Variants in PRKCH observed in about 807,000 individuals in gnomAD.
PRKCH encodes the protein protein kinase C eta type.
Under a neutral mutation model 82.5 loss-of-function variants are expected in PRKCH, and 28 were observed. The observed-to-expected ratio is 0.34, with a 90% confidence interval of 0.25 to 0.47. The LOEUF (loss-of-function observed/expected upper bound fraction) is 0.47, where lower values mean the gene tolerates loss of function less well. PRKCH is among the 20% of genes least tolerant of loss of function. PRKCH has a pLI of 1.00. For synonymous variants in PRKCH, 322 were observed against 327.4 expected (o/e 0.98, Z 0.18); for missense variants, 705 against 881.8 (o/e 0.80, Z 2.54).
chr14:61,234,577 A>G (rs564424986), intron 1 of PRKCH, among the ~76,000 whole-genome samples: 1 of 152,254 alleles, frequency 6.6e-6, no homozygotes, highest in South Asian at 2.1e-4. Context: ...TAGACAACCA[A>G]TATTTTAATT....
intron 6 of PRKCH, among the ~76,000 whole-genome samples, chr14:61,451,892 C>A (rs1594721215): frequency 1.3e-5 from 2 of 152,200 alleles, no homozygotes; most frequent in South Asian, 4.1e-4. Flanking sequence ...AGGGCACATT[C>A]TTCTATCTCT....
intron 10 of PRKCH, among the ~76,000 whole-genome samples, chr14:61,513,510 A>G (rs1329815102): frequency 6.6e-6 from 1 of 152,154 alleles, no homozygotes; most frequent in African/African-American, 2.4e-5. Context: ...AAGTCAGCCC[A>G]GGAGAGAAAT....
At chr14:61,393,209 C>T (rs1022143095) in intron 2 of PRKCH, among the ~76,000 whole-genome samples, 7 of 152,082 alleles carry the variant, frequency 4.6e-5, no homozygotes, top group Admixed American at 1.3e-4. Context: ...CCTCCAACTC[C>T]GTTCTTTTTT....
intron 1 of PRKCH, among the ~76,000 whole-genome samples, chr14:61,387,220 A>G (rs1284377679): frequency 1.3e-5 from 2 of 152,244 alleles, no homozygotes; most frequent in African/African-American, 4.8e-5. Context: ...GATACCGGGT[A>G]GGGAGTTGTA....
chr14:61,391,202 T>C (rs1414802378), intron 1 of PRKCH, 23 bp from the exon 2 acceptor site: 1 of 1,590,350 alleles, frequency 6.3e-7, no homozygotes, highest in South Asian at 1.1e-5. Context: ...ACATATAATA[T>C]ACATTTTTTT....
At chr14:61,338,603 T>C (rs1240083290) in intron 1 of PRKCH, among the ~76,000 whole-genome samples, 1 of 152,172 alleles carries the variant, frequency 6.6e-6, no homozygotes, top group Non-Finnish European at 1.5e-5. Flanking sequence ...GTCAGGAATG[T>C]ATTAATGACA....
intron 1 of PRKCH, among the ~76,000 whole-genome samples, chr14:61,297,263 G>A (rs2045413402): frequency 6.6e-6 from 1 of 152,162 alleles, no homozygotes; most frequent in African/African-American, 2.4e-5. Context: ...ATTTGCCAAT[G>A]TTACAGTTTA....
rs72712345 is a variant in PRKCH, at chr14:61,488,386, G to A, written c.1433+2730G>A. ...CAGGACCAGCACTTCCCTTGCATTC[G>A]TCTATTGATTCTTCTAACAATATTA... On this transcript the variant is annotated intron_variant, in intron 10 of 13. Transcript: ENST00000332981. Among the ~76,000 whole-genome samples, 1,198 of 152,238 alleles carry A rather than the reference G, an allele frequency of 7.9e-3. 8 individuals are homozygous for A. Among genetic ancestry groups the A allele is most frequent in the Non-Finnish European group, 0.011 (752 of 68,006 alleles).
At chr14:61,426,201 C>T (rs185527706) in intron 2 of PRKCH, among the ~76,000 whole-genome samples, 335 of 152,298 alleles carry the variant, frequency 2.2e-3, no homozygotes, top group Non-Finnish European at 3.9e-3. Context: ...CAAGGTGCAA[C>T]CTGGAACACT....
intron 9 of PRKCH, among the ~76,000 whole-genome samples, chr14:61,479,232 G>A (rs944007012): frequency 5.3e-5 from 8 of 152,096 alleles, no homozygotes; most frequent in Non-Finnish European, 8.8e-5. Flanking sequence ...CGTTTACACT[G>A]CAAAAGCAGT....
intron 9 of PRKCH, among the ~76,000 whole-genome samples, chr14:61,477,806 C>A (rs1182432607): frequency 3.3e-5 from 5 of 152,214 alleles, no homozygotes; most frequent in African/African-American, 1.2e-4. Context: ...ATCCCTGTGT[C>A]CCAACAGCTG....
chr14:61,377,088 C>G (rs1313790587), intron 1 of PRKCH, among the ~76,000 whole-genome samples: 2 of 152,096 alleles, frequency 1.3e-5, no homozygotes, highest in East Asian at 3.9e-4. Context: ...CTGTCATCTC[C>G]CAGGTCATCT....
chr14:61,303,543 TC>T (rs1407812910), intron 1 of PRKCH: 1 of 152,174 alleles, frequency 6.6e-6, no homozygotes, highest in Non-Finnish European at 1.5e-5. Context: ...TGTTTTCCCT[TC>T]CTTTTACTTT....
intron 1 of PRKCH, among the ~76,000 whole-genome samples, chr14:61,349,392 G>T (rs1044915814): frequency 1.3e-5 from 2 of 152,134 alleles, no homozygotes; most frequent in East Asian, 3.8e-4. Context: ...TTACAGATGA[G>T]GAAATCAAGG....
chr14:61,423,713 T>C (rs1452014838), intron 2 of PRKCH, among the ~76,000 whole-genome samples: 6 of 152,106 alleles, frequency 3.9e-5, no homozygotes, highest in Non-Finnish European at 8.8e-5. Context: ...TGGTTCAGGA[T>C]TGGGAGGGCC....
intron 10 of PRKCH, among the ~76,000 whole-genome samples, chr14:61,493,211 A>G (rs1279363137): frequency 6.6e-6 from 1 of 152,184 alleles, no homozygotes; most frequent in East Asian, 1.9e-4. Flanking sequence ...GCTCTCTCAC[A>G]TGAAAAGCCT....
At chr14:61,213,827 A>G (rs1158529319) in intron 1 of PRKCH, among the ~76,000 whole-genome samples, 1 of 152,142 alleles carries the variant, frequency 6.6e-6, no homozygotes, top group African/African-American at 2.4e-5. Flanking sequence ...GAATTGAAAA[A>G]CTGGAGAAAT....
intron 7 of PRKCH, among the ~76,000 whole-genome samples, chr14:61,453,847 G>A (rs1177621169): frequency 6.6e-6 from 1 of 151,648 alleles, no homozygotes; most frequent in African/African-American, 2.4e-5. Flanking sequence ...TTGTAGAGAT[G>A]GAGTCTCACT....
intron 1 of PRKCH, among the ~76,000 whole-genome samples, chr14:61,310,709 ATGGGGACTCTGTG>A (rs1196554247): frequency 2.6e-5 from 4 of 152,212 alleles, no homozygotes; most frequent in Non-Finnish European, 5.9e-5. Flanking sequence ...CAGTGACCCA[ATGGGGACTCTGTG>A]TGGGGGCTCC....
Sources: allele counts gnomAD v4.1 joint callset (sites outside exome capture counted in the v4.1 genomes callset), GRCh38; gene constraint gnomAD v4.1.1; transcripts MANE v1.5; gene names NCBI Gene and HGNC (gene_info 2026-07-23, HGNC 2026-07-21).